PEAK1: variants seen among roughly 807,000 people sequenced by gnomAD.
PEAK1 encodes the protein inactive tyrosine-protein kinase PEAK1.
Under a neutral mutation model 124.7 loss-of-function variants are expected in PEAK1, and 54 were observed. That is an observed-to-expected ratio of 0.43 (90% CI 0.35 to 0.54). The LOEUF (loss-of-function observed/expected upper bound fraction) is 0.54, where lower values mean the gene tolerates loss of function less well. PEAK1 is among the 20% of genes least tolerant of loss of function. The pLI, the probability that PEAK1 is intolerant of heterozygous loss-of-function variation, is 0.01. For synonymous variants in PEAK1, 719 were observed against 760.0 expected (o/e 0.95, Z 0.89); for missense variants, 2,046 against 2,134.5 (o/e 0.96, Z 0.82).
intron 2 of PEAK1, among the ~76,000 whole-genome samples, chr15:77,318,267 C>A (rs2064995807): frequency 6.6e-6 from 1 of 152,044 alleles, no homozygotes; most frequent in African/African-American, 2.4e-5. Flanking sequence ...TATTATAATA[C>A]AGTTTTGTAA....
chr15:77,359,370 G>A (rs910715768), intron 2 of PEAK1, among the ~76,000 whole-genome samples: 23 of 151,784 alleles, frequency 1.5e-4, no homozygotes, highest in African/African-American at 5.6e-4. Context: ...AACCCAGGAA[G>A]TCAAGGCTGC....
chr15:77,237,400 TTTTAC>T (rs2060169122), intron 6 of PEAK1, among the ~76,000 whole-genome samples: 1 of 151,666 alleles, frequency 6.6e-6, no homozygotes, highest in African/African-American at 2.4e-5. Context: ...TATTTCCCAT[TTTTAC>T]TTTATTTTAT....
At chr15:77,339,413 A>G (rs1050393322) in intron 2 of PEAK1, among the ~76,000 whole-genome samples, 1 of 152,216 alleles carries the variant, frequency 6.6e-6, no homozygotes, top group Admixed American at 6.5e-5. Context: ...GATACAGGTC[A>G]TTATATTAGT....
rs772512024 is a variant in PEAK1 at position 77,114,598 on chromosome 15, T to C, written c.4799A>G (p.Tyr1600Cys). Residue 1600 changes from tyrosine (Y) to cysteine (C), a missense_variant, in exon 10 of 10, where the codon TAT becomes TGT. Physicochemically the swap from Tyr to Cys is radical, Grantham distance 194. Transcript: ENST00000682557. Reference sequence around the variant, plus strand: ...GGGGTTGGGTAGGTGCAGCATCTCATAGATGAGGATGCCTGTCTGGAACTC... The same window carrying C: ...GGGGTTGGGTAGGTGCAGCATCTCACAGATGAGGATGCCTGTCTGGAACTC... ...CDEFQTGILI[Y>C]EMLHLPNPFD... 2.5e-6 allele frequency: 4 copies of C among 1,614,008 alleles called. No individual in the cohort carries two copies. The highest frequency in any genetic ancestry group is 2.2e-5 in the East Asian group (1 of 44,860).
Position 77,181,191 on chromosome 15 carries a change from C to G in PEAK1, c.736G>C (p.Glu246Gln). 1 of 1,614,094 alleles carries G rather than the reference C, an allele frequency of 6.2e-7. No homozygotes were observed. The highest frequency in any genetic ancestry group is 8.5e-7 in the Non-Finnish European group (1 of 1,180,006). Residue 246 changes from glutamate (E) to glutamine (Q), a missense_variant, in exon 7 of 10, where the codon GAG becomes CAG. Transcript: ENST00000682557. ...TCATCCCAACTCTCGTGCTCCTCCT[C>G]CATGTTACTGAAAAGTACATCCTCT... ...SEEDVLFSNM[E>Q]EEHESWDESD...
intron 8 of PEAK1, among the ~76,000 whole-genome samples, chr15:77,138,930 C>T (rs1166209047): frequency 2.0e-5 from 3 of 148,034 alleles, no homozygotes; most frequent in Non-Finnish European, 4.5e-5. Context: ...TTAAACAAAA[C>T]TTTTTTTTTT....
chr15:77,387,344 T>C (rs1207337974), intron 1 of PEAK1, among the ~76,000 whole-genome samples: 1 of 152,204 alleles, frequency 6.6e-6, no homozygotes, highest in East Asian at 1.9e-4. Context: ...AGCCTGCTCC[T>C]AAAATAATTT....
chr15:77,157,133 T>G (rs951268719), intron 8 of PEAK1: 5 of 152,234 alleles, frequency 3.3e-5, no homozygotes, highest in Non-Finnish European at 7.3e-5. Context: ...TCTGGCCTTC[T>G]TAGGGACTCC....
chr15:77,254,147 T>C (rs1596906669), intron 5 of PEAK1, among the ~76,000 whole-genome samples: 3 of 152,270 alleles, frequency 2.0e-5, no homozygotes, highest in South Asian at 4.1e-4. Flanking sequence ...AGTGCGACTA[T>C]TATATGTCTA....
rs778104402 is a variant in PEAK1, at chr15:77,180,495, C to A, written c.1432G>T (p.Val478Leu). ...EQPLCKPYTV[V>L]DVSAAMASEH... ...CTGGCCATGGCTGCTGACACATCCA[C>A]GACAGTATATGGCTTGCACAATGGC... Residue 478 changes from valine to leucine, a missense_variant, in exon 7 of 10, where the codon GTG (valine) becomes TTG (leucine). By Grantham distance (32) the Val-to-Leu change is conservative. Transcript: ENST00000682557. 3 of 1,614,068 alleles carry A rather than the reference C, an allele frequency of 1.9e-6. No individual in the cohort carries two copies. The highest frequency in any genetic ancestry group is 2.5e-6 in the Non-Finnish European group (3 of 1,180,004).
intron 2 of PEAK1, among the ~76,000 whole-genome samples, chr15:77,324,003 T>C (rs1476874284): frequency 6.6e-6 from 1 of 152,190 alleles, no homozygotes; most frequent in Non-Finnish European, 1.5e-5. Context: ...ATCCGATCTT[T>C]GATAAACCTG....
chr15:77,355,085 C>A (rs2067437596), intron 2 of PEAK1, among the ~76,000 whole-genome samples: 1 of 151,120 alleles, frequency 6.6e-6, no homozygotes, highest in Non-Finnish European at 1.5e-5. Flanking sequence ...ATCTGGCAGG[C>A]AAGTGAAAAT....
intron 9 of PEAK1, among the ~76,000 whole-genome samples, chr15:77,129,011 C>T (rs991188749): frequency 6.6e-6 from 1 of 152,144 alleles, no homozygotes; most frequent in African/African-American, 2.4e-5. Context: ...TCCTTAACCC[C>T]CAATGTGAGA....
intron 8 of PEAK1, among the ~76,000 whole-genome samples, chr15:77,149,737 A>G (rs2054440455): frequency 1.3e-5 from 2 of 152,032 alleles, no homozygotes; most frequent in African/African-American, 2.4e-5. Flanking sequence ...AAACTGGACA[A>G]TATCTTATTG....
At chr15:77,255,441 G>C (rs963531000) in intron 5 of PEAK1, 11 of 894,598 alleles carry the variant, frequency 1.2e-5, no homozygotes, top group Non-Finnish European at 1.5e-5. Context: ...AGAAAAGAAA[G>C]AAGTTACCTT....
At chr15:77,363,606 T>C (rs1487350985) in intron 2 of PEAK1, among the ~76,000 whole-genome samples, 1 of 152,104 alleles carries the variant, frequency 6.6e-6, no homozygotes, top group Admixed American at 6.5e-5. Context: ...GAGCCTGCAC[T>C]TTCTCAGCTT....
rs2051227686 is a variant in PEAK1, at chr15:77,114,964, G to A, written c.4433C>T (p.Ser1478Phe). 3.1e-6 allele frequency: 5 copies of A among 1,614,142 alleles called. No homozygotes were observed. Among genetic ancestry groups the A allele is most frequent in the Non-Finnish European group, 4.2e-6 (5 of 1,180,026 alleles). Residue 1478 changes from serine to phenylalanine, a missense_variant, in exon 10 of 10, where the codon TCT becomes TTT. Transcript: ENST00000682557. ...AGGGCTTTTCCCATGCTGGGCCAGA[G>A]AGTCTCGCACAAAATCAGCCACAGT... ...CLTVADFVRD[S>F]LAQHGKSPDL...
chr15:77,224,312 T>C (rs2059532315), intron 6 of PEAK1, among the ~76,000 whole-genome samples: 1 of 152,036 alleles, frequency 6.6e-6, no homozygotes, highest in Non-Finnish European at 1.5e-5. Context: ...ACTATCATAA[T>C]GCAGGAAAAG....
At chr15:77,321,198 T>C (rs1286136101) in intron 2 of PEAK1, among the ~76,000 whole-genome samples, 1 of 152,220 alleles carries the variant, frequency 6.6e-6, no homozygotes, top group Non-Finnish European at 1.5e-5. Context: ...CTGGGTCAAA[T>C]GGTATTTCTA....
Sources: allele counts gnomAD v4.1 joint callset (sites outside exome capture counted in the v4.1 genomes callset), GRCh38; gene constraint gnomAD v4.1.1; transcripts MANE v1.5; gene names NCBI Gene and HGNC (gene_info 2026-07-23, HGNC 2026-07-21).